EPHB2: variants seen among roughly 807,000 people sequenced by gnomAD.
EPHB2 encodes ephrin type-B receptor 2.
EPHB2 carries 18 observed loss-of-function variants against 96.4 expected under a neutral mutation model. The ratio of observed to expected loss-of-function variants is 0.19; its 90% CI spans 0.13 to 0.28. The LOEUF (loss-of-function observed/expected upper bound fraction) is 0.28, where lower values mean the gene tolerates loss of function less well. EPHB2 is among the 10% of genes least tolerant of loss of function. The probability of loss-of-function intolerance (pLI) is 1.00; values close to 1 mark genes in which losing one functional copy is unlikely to be tolerated. For missense variants in EPHB2, 989 were observed against 1,355.4 expected (o/e 0.73, Z 4.25); for synonymous variants, 506 against 534.1 (o/e 0.95, Z 0.72).
intron 5 of EPHB2, among the ~76,000 whole-genome samples, chr1:22,866,240 G>A (rs1024949776): frequency 3.0e-4 from 46 of 152,276 alleles, no homozygotes; most frequent in African/African-American, 1.1e-3. Context: ...AGTAAGCATG[G>A]TCAGGGCCAT....
intron 6 of EPHB2, among the ~76,000 whole-genome samples, chr1:22,884,073 A>G (rs1189013955): frequency 3.3e-5 from 5 of 151,826 alleles, no homozygotes; most frequent in Admixed American, 3.3e-4. Flanking sequence ...CTCCGCCACA[A>G]GTGAACATGG....
intron 1 of EPHB2, among the ~76,000 whole-genome samples, chr1:22,717,526 T>C (rs143259067): frequency 0.016 from 2,422 of 152,290 alleles, 32 homozygotes; most frequent in Non-Finnish European, 0.024. Context: ...TTGCCTGCTG[T>C]GTGGCCTTGA....
chr1:22,830,779 A>T lies in EPHB2; in HGVS notation c.812-32258A>T, dbSNP rs373349599. On this transcript the variant is annotated intron_variant, in intron 3 of 15. Transcript: ENST00000374630. Reference sequence around the variant, plus strand: ...ACCATCTTGGCCAGGCTGATCTCGAACTCCTGACCTCATGATCCACCCGCC... The same window carrying T: ...ACCATCTTGGCCAGGCTGATCTCGATCTCCTGACCTCATGATCCACCCGCC... Among the ~76,000 whole-genome samples, 4 of 151,108 alleles carry T rather than the reference A, an allele frequency of 2.6e-5. No individual in the cohort carries two copies. The East Asian group carries it at 5.8e-4, about 22-fold the overall frequency.
At chr1:22,761,542 AG>A (rs1345161457) in intron 1 of EPHB2, among the ~76,000 whole-genome samples, 1 of 152,226 alleles carries the variant, frequency 6.6e-6, no homozygotes, top group Admixed American at 6.5e-5. Flanking sequence ...GCTCTTGGGC[AG>A]GGCACTTGAC....
intron 1 of EPHB2, among the ~76,000 whole-genome samples, chr1:22,716,225 T>A (rs904940160): frequency 5.3e-5 from 8 of 152,206 alleles, no homozygotes; most frequent in Non-Finnish European, 7.3e-5. Flanking sequence ...TGGGGATCTT[T>A]GTTCACCCTG....
chr1:22,883,304 G>A (rs903651636), intron 6 of EPHB2, among the ~76,000 whole-genome samples: 5 of 152,250 alleles, frequency 3.3e-5, no homozygotes, highest in African/African-American at 1.2e-4. Flanking sequence ...AGTGGGCAAT[G>A]GTGACAGGAT....
intron 3 of EPHB2, among the ~76,000 whole-genome samples, chr1:22,854,174 G>T (rs1247844076): frequency 6.6e-6 from 1 of 152,176 alleles, no homozygotes; most frequent in Non-Finnish European, 1.5e-5. Context: ...TTCATCAAGT[G>T]GGAAGGAGCT....
intron 5 of EPHB2, 85 bp downstream of exon 5, chr1:22,865,297 A>C: frequency 6.8e-7 from 1 of 1,464,648 alleles, no homozygotes; most frequent in Admixed American, 1.7e-5. Context: ...AGACTCCTTC[A>C]CATCTATGGA....
chr1:22,747,164 C>T (rs1430272016), intron 1 of EPHB2, among the ~76,000 whole-genome samples: 1 of 152,212 alleles, frequency 6.6e-6, no homozygotes, highest in Non-Finnish European at 1.5e-5. Context: ...CTGCCTTCTG[C>T]TCAGGGTTCA....
chr1:22,736,319 T>G (rs1208584976), intron 1 of EPHB2, among the ~76,000 whole-genome samples: 1 of 152,176 alleles, frequency 6.6e-6, no homozygotes, highest in Non-Finnish European at 1.5e-5. Context: ...GCGGCCCCTC[T>G]TGCCTGGTTG....
chr1:22,831,812 G>A lies in EPHB2; in HGVS notation c.812-31225G>A, dbSNP rs573510551. The stretch of plus-strand genomic sequence containing the variant: ...CACCCTCCCCTTGGGCTCTTCAAGG[G>A]CTCAAGAGGGGCTGTGTTAGGCTGG... On this transcript the variant is annotated intron_variant, in intron 3 of 15. Coordinates refer to ENST00000374630, the MANE Select transcript of EPHB2 (RefSeq NM_017449.5). Among the ~76,000 whole-genome samples, 3 of 152,238 alleles carry A rather than the reference G, an allele frequency of 2.0e-5. No homozygotes were observed. The South Asian group carries it at 6.2e-4, about 32-fold the overall frequency.
chr1:22,734,764 G>T (rs928767893), intron 1 of EPHB2, among the ~76,000 whole-genome samples: 1 of 152,060 alleles, frequency 6.6e-6, no homozygotes, highest in African/African-American at 2.4e-5. Flanking sequence ...ATTTCTTTGG[G>T]GTCCTGAAGA....
intron 9 of EPHB2, among the ~76,000 whole-genome samples, chr1:22,905,213 A>T (rs563648274): frequency 2.0e-5 from 3 of 152,206 alleles, no homozygotes; most frequent in African/African-American, 7.2e-5. Context: ...TAAGTGTTGG[A>T]CAGAAGAGAG....
chr1:22,775,478 G>A (rs1466099329), intron 1 of EPHB2, among the ~76,000 whole-genome samples: 1 of 152,264 alleles, frequency 6.6e-6, no homozygotes, highest in Non-Finnish European at 1.5e-5. Flanking sequence ...AAGGGGATCA[G>A]ACAGAGCTGG....
At chr1:22,864,828 A>T in intron 4 of EPHB2, 49 bp from the exon 5 acceptor site, 1 of 1,262,306 alleles carries the variant, frequency 7.9e-7, no homozygotes, top group South Asian at 1.4e-5. Flanking sequence ...CACATGGGGA[A>T]TAGTACCCCC....
At chr1:22,880,891 G>A (rs1639019865) in intron 5 of EPHB2, among the ~76,000 whole-genome samples, 1 of 152,216 alleles carries the variant, frequency 6.6e-6, no homozygotes, top group South Asian at 2.1e-4. Context: ...TCAAGAACAG[G>A]CTGTGTGCCA....
chr1:22,752,432 G>A (rs1370516777), intron 1 of EPHB2, among the ~76,000 whole-genome samples: 1 of 151,972 alleles, frequency 6.6e-6, no homozygotes, highest in Admixed American at 6.6e-5. Flanking sequence ...AGGAGGTTGA[G>A]GTTGCACCAT....
At chr1:22,820,704 T>C (rs1645141189) in intron 3 of EPHB2, among the ~76,000 whole-genome samples, 1 of 152,220 alleles carries the variant, frequency 6.6e-6, no homozygotes, top group Non-Finnish European at 1.5e-5. Context: ...AACTATTATT[T>C]ACTGAGCCCT....
In EPHB2 at chr1:22,815,839, G is replaced by A. The variant is rs116738565; in HGVS notation, c.811+30763G>A. ...GAAGCATGGCTGGGAGCCCGGGGCG[G>A]TGCTGGAAGTGGAACTGACGGCTGT... On this transcript the variant is annotated intron_variant, in intron 3 of 15. Transcript: ENST00000374630. Among the ~76,000 whole-genome samples the A allele has an allele frequency of 5.9e-3, 895 of 152,294 alleles. 5 individuals are homozygous for A. The highest frequency in any genetic ancestry group is 0.01 in the Non-Finnish European group (702 of 68,008).
Sources: gnomAD v4.1 joint callset for allele counts (sites outside exome capture counted in the v4.1 genomes callset) on GRCh38, gnomAD v4.1.1 for gene constraint, MANE v1.5 for transcripts, NCBI Gene and HGNC (gene_info 2026-07-23, HGNC 2026-07-21) for gene names.